Variants in AKAP3 observed in about 807,000 individuals in gnomAD.
The protein encoded by AKAP3 is A-kinase anchor protein 3.
In AKAP3, 27 loss-of-function variants were observed where a neutral mutation model predicts 57.2. The ratio of observed to expected loss-of-function variants is 0.47; its 90% CI spans 0.35 to 0.65. The LOEUF (loss-of-function observed/expected upper bound fraction) is 0.65, where lower values mean the gene tolerates loss of function less well. Among genes scored for constraint, AKAP3 ranks in the 30% least tolerant of loss-of-function variants. The probability of loss-of-function intolerance (pLI) is 0.01; values close to 1 mark genes in which losing one functional copy is unlikely to be tolerated. For missense variants in AKAP3, 959 were observed against 1,040.0 expected (o/e 0.92, Z 1.07); for synonymous variants, 334 against 392.3 (o/e 0.85, Z 1.76).
Position 4,628,385 on chromosome 12 carries a change from T to C in AKAP3, c.517A>G (p.Lys173Glu). ...NEPTPTKSLS[K>E]IASELVNETV... ...TCATTCACAAGCTCTGATGCTATCT[T>C]ACTGAGGCTTTTGGTGGGTGTGGGT... is the stretch of plus-strand genomic sequence containing the variant. Residue 173 changes from lysine to glutamate, a missense_variant, in exon 5 of 6, where the codon AAG becomes GAG. Transcript: ENST00000228850. 6.2e-7 allele frequency: 1 copy of C among 1,614,206 alleles called. No individual in the cohort carries two copies. Among genetic ancestry groups the C allele is most frequent in the Middle Eastern group, 1.6e-4 (1 of 6,062 alleles).
chr12:4,641,492 C>T (rs116787281), intron 3 of AKAP3, among the ~76,000 whole-genome samples: 11 of 152,272 alleles, frequency 7.2e-5, no homozygotes, highest in African/African-American at 1.7e-4. Flanking sequence ...CCACTGCACC[C>T]GGCCAGATTT....
intron 5 of AKAP3, among the ~76,000 whole-genome samples, chr12:4,616,167 C>T (rs1346873736): frequency 6.6e-6 from 1 of 152,170 alleles, no homozygotes; most frequent in African/African-American, 2.4e-5. Context: ...CATCATTGTC[C>T]TAAGACCAAC....
chr12:4,636,926 A>C (rs11608546), intron 4 of AKAP3, among the ~76,000 whole-genome samples: 3,471 of 152,008 alleles, frequency 0.023, 50 homozygotes, highest in Non-Finnish European at 0.027. Context: ...TTCTTTTTTT[A>C]GTAAAGACAG....
Position 4,626,876 on chromosome 12 carries a change from A to G in AKAP3, c.2026T>C (p.Ser676Pro), listed in dbSNP as rs199803523. 1.9e-6 allele frequency: 3 copies of G among 1,613,512 alleles called. No homozygotes were observed. The highest frequency in any genetic ancestry group is 2.5e-6 in the Non-Finnish European group (3 of 1,179,904). Residue 676 changes from serine to proline, a missense_variant, in exon 5 of 6, where the codon TCA becomes CCA. Coordinates refer to ENST00000228850, the MANE Select transcript of AKAP3 (RefSeq NM_001278309.2). ...ATGATGACACACAGCTTCATCACTG[A>G]GTTCATCAGATGTTCTACCATCTGC... ...SGQMVEHLMN[S>P]VMKLCVIIAK...
chr12:4,634,718 ATTT>A, intron 4 of AKAP3, among the ~76,000 whole-genome samples: 1 of 93,942 alleles, frequency 1.1e-5, no homozygotes, highest in East Asian at 3.0e-4. Context: ...ATTGCATTTG[ATTT>A]TTTTTTTTAC....
intron 4 of AKAP3, among the ~76,000 whole-genome samples, chr12:4,633,418 G>A (rs971091942): frequency 2.0e-5 from 3 of 152,160 alleles, no homozygotes; most frequent in South Asian, 2.1e-4. Context: ...AACCTAAAAC[G>A]TGTGTGCCTT....
At position 4,626,957 on chromosome 12, in the gene AKAP3, C is replaced by A; in HGVS notation, c.1945G>T (p.Ala649Ser). 6.2e-7 allele frequency: 1 copy of A among 1,614,136 alleles called. No individual in the cohort carries two copies. Among genetic ancestry groups the A allele is most frequent in the Non-Finnish European group, 8.5e-7 (1 of 1,180,026 alleles). Residue 649 changes from alanine (A) to serine (S), a missense_variant, in exon 5 of 6, where the codon GCC becomes TCC. Physicochemically the swap from Ala to Ser is moderately conservative, Grantham distance 99. Coordinates refer to ENST00000228850, the MANE Select transcript of AKAP3 (RefSeq NM_001278309.2). ...RLYEDDETPGALSGLTKMAVS... is the reference protein window; with the variant it reads ...RLYEDDETPGSLSGLTKMAVS... ...GCCATCTTGGTCAGCCCAGAAAGGG[C>A]ACCAGGGGTCTCATCATCCTCATAT... is the stretch of plus-strand genomic sequence containing the variant.
At chr12:4,631,249 A>G (rs1945493940) in intron 4 of AKAP3, 1 of 668,644 alleles carries the variant, frequency 1.5e-6, no homozygotes, top group Non-Finnish European at 2.7e-6. Context: ...TTAATGATTT[A>G]TAGAGTTATA....
chr12:4,639,103 C>A (rs1452760749), intron 3 of AKAP3, among the ~76,000 whole-genome samples: 1 of 152,168 alleles, frequency 6.6e-6, no homozygotes, highest in African/African-American at 2.4e-5. Flanking sequence ...TATGTACATA[C>A]CTATTATATG....
chr12:4,624,716 T>C (rs1164311655), intron 5 of AKAP3, among the ~76,000 whole-genome samples: 2 of 151,098 alleles, frequency 1.3e-5, no homozygotes, highest in Non-Finnish European at 3.0e-5. Context: ...GTCTATTTAT[T>C]AGTTGAAGTT....
chr12:4,620,401 TG>T (rs1365708869), intron 5 of AKAP3, among the ~76,000 whole-genome samples: 1 of 124,540 alleles, frequency 8.0e-6, no homozygotes, highest in Admixed American at 1.0e-4. Context: ...CGCTTGAACC[TG>T]GGGGGCGGAG....
At chr12:4,623,637 A>C (rs1026701758) in intron 5 of AKAP3, among the ~76,000 whole-genome samples, 2 of 148,520 alleles carry the variant, frequency 1.3e-5, no homozygotes, top group Non-Finnish European at 3.0e-5. Context: ...AAAAATAACT[A>C]TTGGGTCAGT....
chr12:4,615,847 G>T lies in AKAP3; in HGVS notation c.2454C>A (p.Gly818=), dbSNP rs755426401. 6 of 1,614,076 alleles carry T rather than the reference G, an allele frequency of 3.7e-6. No homozygotes were observed. Among genetic ancestry groups the T allele is most frequent in the Non-Finnish European group, 4.2e-6 (5 of 1,180,046 alleles). ...AGCGCAGCACCGACTGCAGAACCTC[G>T]CCCACACTGCATCCTTTGTCCACAG... ...AAAVDKGCSV[G]EVLQSVLRYE... Residue 818 remains glycine (G), a synonymous_variant, in exon 6 of 6, where the codon GGC becomes GGA. Coordinates refer to ENST00000228850, the MANE Select transcript of AKAP3 (RefSeq NM_001278309.2).
At chr12:4,630,163 A>T (rs1351236034) in intron 4 of AKAP3, among the ~76,000 whole-genome samples, 1 of 152,176 alleles carries the variant, frequency 6.6e-6, no homozygotes, top group African/African-American at 2.4e-5. Flanking sequence ...ACAATTCGGT[A>T]TTTTTATTAC....
rs771015239 is a variant in AKAP3, at chr12:4,627,264, A to G, written c.1638T>C (p.Asp546=). ...QYHLAQGGRR[D]ARSFVEAAGT... ...CAGCAGCTTCAACGAAGCTCCGTGC[A>G]TCCCTTCTTCCTCCCTGGGCCAGGT... The change falls in exon 5 of 6, where the codon GAT becomes GAC. Residue 546 remains aspartate (D), a synonymous_variant. Coordinates refer to ENST00000228850, the MANE Select transcript of AKAP3 (RefSeq NM_001278309.2). 1.9e-6 allele frequency: 3 copies of G among 1,614,056 alleles called. No homozygotes were observed. The highest frequency in any genetic ancestry group is 1.1e-5 in the South Asian group (1 of 91,072).
chr12:4,615,617 G>A lies in AKAP3; in HGVS notation c.*122C>T. On this transcript the variant is annotated 3_prime_UTR_variant, in exon 6 of 6. Transcript: ENST00000228850. ...AAGATGACATGTCTTTGATGAGAGT[G>A]GTGTGAAGATAATGTTAGGGCTCTG... 1 of 1,231,748 alleles carries A rather than the reference G, an allele frequency of 8.1e-7. No homozygotes were observed. Among genetic ancestry groups the A allele is most frequent in the Non-Finnish European group, 1.1e-6 (1 of 885,388 alleles). 76.3% of individuals were successfully genotyped at this position (1,231,748 alleles called of 1,614,324 possible).
chr12:4,638,171 T>C lies in AKAP3; in HGVS notation c.26A>G (p.Gln9Arg). 2 of 1,612,682 alleles carry C rather than the reference T, an allele frequency of 1.2e-6. No individual in the cohort carries two copies. The highest frequency in any genetic ancestry group is 1.7e-6 in the Non-Finnish European group (2 of 1,179,556). Residue 9 changes from glutamine (Q) to arginine (R), a missense_variant, in exon 4 of 6, where the codon CAA (glutamine) becomes CGA (arginine). Physicochemically the swap from Gln to Arg is conservative, Grantham distance 43. Coordinates refer to ENST00000228850, the MANE Select transcript of AKAP3 (RefSeq NM_001278309.2). ...AACTTTGCATACTCCATTTTGGCTTTGTAACCAGTCAACCTTTTCTGACAT... is the reference window on the plus strand; with the variant it reads ...AACTTTGCATACTCCATTTTGGCTTCGTAACCAGTCAACCTTTTCTGACAT... Reference protein sequence around the residue: MSEKVDWLQSQNGVCKVDV... With the variant: MSEKVDWLRSQNGVCKVDV...
intron 5 of AKAP3, among the ~76,000 whole-genome samples, chr12:4,621,557 C>A (rs1290313311): frequency 6.6e-6 from 1 of 152,144 alleles, no homozygotes; most frequent in East Asian, 1.9e-4. Flanking sequence ...TAATTGCTTA[C>A]AGTATTCAGT....
At chr12:4,618,178 C>T (rs116843616) in intron 5 of AKAP3, among the ~76,000 whole-genome samples, 3,197 of 152,214 alleles carry the variant, frequency 0.021, 39 homozygotes, top group Non-Finnish European at 0.034. Flanking sequence ...ATCTAAACAT[C>T]AAATGTCAGA....
Sources: gnomAD v4.1 joint callset for allele counts (sites outside exome capture counted in the v4.1 genomes callset) on GRCh38, gnomAD v4.1.1 for gene constraint, MANE v1.5 for transcripts, NCBI Gene and HGNC (gene_info 2026-07-23, HGNC 2026-07-21) for gene names.